Variants in ADAMTS17 observed in about 807,000 individuals in gnomAD.
The protein encoded by ADAMTS17 is ADAM metallopeptidase with thrombospondin type 1 motif 17.
ADAMTS17 carries 113 observed loss-of-function variants against 141.5 expected under a neutral mutation model. That is an observed-to-expected ratio of 0.80 (90% CI 0.69 to 0.93). The LOEUF (loss-of-function observed/expected upper bound fraction) is 0.93. Among genes scored for constraint, ADAMTS17 ranks in the 40% least tolerant of loss-of-function variants. ADAMTS17 has a pLI of 0.00. For synonymous variants in ADAMTS17, 768 were observed against 630.6 expected (o/e 1.22, Z -3.27); for missense variants, 1,659 against 1,517.9 (o/e 1.09, Z -1.54).
At chr15:100,017,567 C>T (rs1234532820) in intron 18 of ADAMTS17, among the ~76,000 whole-genome samples, 1 of 152,224 alleles carries the variant, frequency 6.6e-6, no homozygotes, top group African/African-American at 2.4e-5. Context: ...CTGTATTTCA[C>T]TCGACTCTGT....
chr15:100,154,853 CA>C (rs1324596701), intron 9 of ADAMTS17, among the ~76,000 whole-genome samples: 2 of 152,200 alleles, frequency 1.3e-5, no homozygotes, highest in East Asian at 3.9e-4. Context: ...CGCAGCGGCC[CA>C]GGGGCGCCCC....
chr15:100,184,221 C>A (rs1374125447), intron 8 of ADAMTS17, among the ~76,000 whole-genome samples: 2 of 152,138 alleles, frequency 1.3e-5, no homozygotes, highest in Admixed American at 1.3e-4. Flanking sequence ...CTCCCCAGTC[C>A]ATTGGCCAGG....
chr15:100,101,177 T>TTCCTCAAAGGCTGTCTCC (rs1258845361), intron 14 of ADAMTS17, among the ~76,000 whole-genome samples: 1 of 152,226 alleles, frequency 6.6e-6, no homozygotes, highest in Admixed American at 6.5e-5. Flanking sequence ...AGGCTGGCTC[T>TTCCTCAAAGGCTGTCTCC]TCCTCAAAGG....
At chr15:100,124,536 G>A (rs568152902) in intron 12 of ADAMTS17, among the ~76,000 whole-genome samples, 25 of 152,316 alleles carry the variant, frequency 1.6e-4, no homozygotes, top group African/African-American at 4.3e-4. Flanking sequence ...CAATGGAGAT[G>A]GCACGGCCAT....
intron 7 of ADAMTS17, among the ~76,000 whole-genome samples, chr15:100,215,540 C>T (rs756514654): frequency 1.1e-4 from 16 of 152,218 alleles, no homozygotes; most frequent in Admixed American, 4.6e-4. Flanking sequence ...AAGTTGACAG[C>T]CCCTAAGATA....
At chr15:100,033,259 A>G (rs2030360521) in intron 18 of ADAMTS17, among the ~76,000 whole-genome samples, 1 of 152,176 alleles carries the variant, frequency 6.6e-6, no homozygotes, top group East Asian at 1.9e-4. Flanking sequence ...AACCAGGATA[A>G]GTCTGGATTT....
chr15:99,995,494 GTCTC>G (rs923839788), intron 19 of ADAMTS17, among the ~76,000 whole-genome samples: 1 of 152,182 alleles, frequency 6.6e-6, no homozygotes, highest in African/African-American at 2.4e-5. Context: ...GTGCCCTTCG[GTCTC>G]TCTCTTTGCT....
intron 7 of ADAMTS17, among the ~76,000 whole-genome samples, chr15:100,210,691 C>A (rs928887575): frequency 2.0e-5 from 3 of 152,232 alleles, no homozygotes; most frequent in Non-Finnish European, 4.4e-5. Context: ...GCTAGTCAGG[C>A]GCAGTGGCTC....
chr15:100,100,698 A>G (rs2036043014), intron 14 of ADAMTS17, among the ~76,000 whole-genome samples: 1 of 152,172 alleles, frequency 6.6e-6, no homozygotes, highest in Non-Finnish European at 1.5e-5. Context: ...CACCCTCCTT[A>G]ATCAGGACAT....
chr15:100,118,640 A>G (rs1277897707), intron 12 of ADAMTS17, among the ~76,000 whole-genome samples: 1 of 152,222 alleles, frequency 6.6e-6, no homozygotes, highest in Non-Finnish European at 1.5e-5. Context: ...GGCCTCGGAC[A>G]GCCTCCCCAG....
chr15:100,163,239 TAAAG>T (rs1439857641), intron 8 of ADAMTS17, among the ~76,000 whole-genome samples: 17 of 151,998 alleles, frequency 1.1e-4, no homozygotes, highest in Admixed American at 1.0e-3. Context: ...TTGAGACAGA[TAAAG>T]AGAGACAGAG....
chr15:100,016,350 A>G (rs1446986897), intron 18 of ADAMTS17, among the ~76,000 whole-genome samples: 3 of 152,204 alleles, frequency 2.0e-5, no homozygotes, highest in African/African-American at 7.2e-5. Flanking sequence ...AACCTCCTGA[A>G]TATTTTTTCA....
At chr15:100,079,024 T>A (rs996059589) in intron 15 of ADAMTS17, among the ~76,000 whole-genome samples, 1 of 152,188 alleles carries the variant, frequency 6.6e-6, no homozygotes, top group African/African-American at 2.4e-5. Context: ...CATACCACAT[T>A]GTACCCACTA....
At chr15:100,062,342 AG>A (rs149741086) in intron 15 of ADAMTS17, among the ~76,000 whole-genome samples, 1 of 152,192 alleles carries the variant, frequency 6.6e-6, no homozygotes, top group Non-Finnish European at 1.5e-5. Flanking sequence ...AGCTTGGGAC[AG>A]GGGGGGATCC....
At chr15:100,146,506 T>C (rs1340571035) in intron 10 of ADAMTS17, among the ~76,000 whole-genome samples, 3 of 152,212 alleles carry the variant, frequency 2.0e-5, no homozygotes, top group African/African-American at 7.2e-5. Flanking sequence ...ATGTATGTCG[T>C]CTCAGGACCC....
At chr15:100,146,612 T>C (rs1369944959) in intron 10 of ADAMTS17, among the ~76,000 whole-genome samples, 1 of 141,038 alleles carries the variant, frequency 7.1e-6, no homozygotes, top group Non-Finnish European at 1.6e-5. Flanking sequence ...ATAACAGCAA[T>C]TGTTCAGGGA....
chr15:100,074,521 A>G (rs1029367640), intron 15 of ADAMTS17, among the ~76,000 whole-genome samples: 1 of 152,066 alleles, frequency 6.6e-6, no homozygotes, highest in Non-Finnish European at 1.5e-5. Context: ...TATTAACAGT[A>G]TAATTATATT....
At chr15:100,312,486 TA>T (rs2045437296) in intron 3 of ADAMTS17, among the ~76,000 whole-genome samples, 1 of 152,186 alleles carries the variant, frequency 6.6e-6, no homozygotes, top group Non-Finnish European at 1.5e-5. Context: ...TCCAGAGCCG[TA>T]AGATAATATA....
At chr15:100,009,675 C>G (rs961972997) in intron 18 of ADAMTS17, among the ~76,000 whole-genome samples, 6 of 152,216 alleles carry the variant, frequency 3.9e-5, no homozygotes, top group African/African-American at 1.4e-4. Context: ...TACTCTCCAT[C>G]CAGACATCGG....
Sources: gnomAD v4.1 joint callset for allele counts (sites outside exome capture counted in the v4.1 genomes callset) on GRCh38, gnomAD v4.1.1 for gene constraint, MANE v1.5 for transcripts, NCBI Gene and HGNC (gene_info 2026-07-23, HGNC 2026-07-21) for gene names.